KDM3B: variants seen among roughly 807,000 people sequenced by gnomAD.
KDM3B encodes the protein lysine demethylase 3B, also known as lysine-specific demethylase 3B.
Under a neutral mutation model 170.0 loss-of-function variants are expected in KDM3B, and 10 were observed. The ratio of observed to expected loss-of-function variants is 0.06; its 90% CI spans 0.04 to 0.10. The LOEUF (loss-of-function observed/expected upper bound fraction) is 0.10, where lower values mean the gene tolerates loss of function less well. KDM3B is among the 10% of genes least tolerant of loss of function. The pLI is 1.00. For synonymous variants in KDM3B, 831 were observed against 834.8 expected, an observed-to-expected ratio of 1.00 and a Z score of 0.08; for missense variants, 1,394 against 2,195.2, an observed-to-expected ratio of 0.64 and a Z score of 7.29.
intron 14 of KDM3B, among the ~76,000 whole-genome samples, chr5:138,419,767 A>ACAC (rs1491210602): frequency 1.3e-4 from 19 of 141,428 alleles, no homozygotes; most frequent in African/African-American, 4.9e-4. Flanking sequence ...ACACACACAC[A>ACAC]TATATATGAG....
intron 11 of KDM3B, among the ~76,000 whole-genome samples, chr5:138,411,131 T>G (rs1312407370): frequency 2.0e-5 from 3 of 152,212 alleles, no homozygotes; most frequent in Non-Finnish European, 4.4e-5. Flanking sequence ...TTGACACTTT[T>G]CGCTACTGCT....
At position 138,420,775 on chromosome 5, in the gene KDM3B, C is replaced by G. The variant is rs1319639653; in HGVS notation, c.3785C>G (p.Ser1262Cys). 8.7e-6 allele frequency: 14 copies of G among 1,614,132 alleles called. No homozygotes were observed. Among genetic ancestry groups the G allele is most frequent in the Non-Finnish European group, 1.2e-5 (14 of 1,180,026 alleles). ...CCCTTTGGGCTGGACTCGTTCAACTCCACTGCAAAGGTCTCTCCGCTGACT... is the reference window on the plus strand; with the variant it reads ...CCCTTTGGGCTGGACTCGTTCAACTGCACTGCAAAGGTCTCTCCGCTGACT... ...HSPFGLDSFN[S>C]TAKVSPLTPK... is the part of the protein sequence containing the mutation. Residue 1262 changes from serine (S) to cysteine (C), a missense_variant, in exon 15 of 24, where the codon TCC (serine) becomes TGC (cysteine). Ser to Cys is a moderately radical substitution (Grantham distance 112, BLOSUM62 -1). Coordinates refer to ENST00000314358, the MANE Select transcript of KDM3B (RefSeq NM_016604.4).
Position 138,381,604 on chromosome 5 carries a change from C to G in KDM3B, c.780+14C>G. The G allele has an allele frequency of 6.7e-7, 1 of 1,502,160 alleles. No individual in the cohort carries two copies. Among genetic ancestry groups the G allele is most frequent in the Non-Finnish European group, 9.3e-7 (1 of 1,077,548 alleles). 93.1% of individuals were successfully genotyped at this position (1,502,160 alleles called of 1,614,324 possible). A position where few individuals can be genotyped will look rare whatever the true frequency, so the allele number is the denominator to read the frequency against. The stretch of plus-strand genomic sequence containing the variant: ...CCTCAAAGCGAGGTACAGTAATGGA[C>G]TGCATTCCTGAGCAGACTCATGAGC... On this transcript the variant is annotated intron_variant, in intron 6 of 23. Transcript: ENST00000314358.
At chr5:138,426,733 A>G in intron 17 of KDM3B, 1 of 412,942 alleles carries the variant, frequency 2.4e-6, no homozygotes, top group South Asian at 2.5e-5. Flanking sequence ...TCTACTAAAA[A>G]TACAAAAATT....
chr5:138,385,379 T>C (rs1288666907), intron 6 of KDM3B, among the ~76,000 whole-genome samples: 2 of 152,182 alleles, frequency 1.3e-5, no homozygotes. Flanking sequence ...ACTACAGGCA[T>C]ACGCCACCAC....
At chr5:138,412,070 T>A (rs1028847962) in intron 11 of KDM3B, among the ~76,000 whole-genome samples, 19 of 149,562 alleles carry the variant, frequency 1.3e-4, no homozygotes, top group African/African-American at 4.7e-4. Flanking sequence ...GCACGGTGGC[T>A]CATGCCTGTA....
At chr5:138,435,570 A>G in intron 23 of KDM3B, 50 bp from the exon 24 acceptor site, 1 of 1,442,792 alleles carries the variant, frequency 6.9e-7, no homozygotes, top group South Asian at 1.2e-5. Flanking sequence ...GGTAGAACGT[A>G]CATTTGCATG....
At chr5:138,370,926 A>G (rs922417994) in intron 1 of KDM3B, among the ~76,000 whole-genome samples, 2 of 151,942 alleles carry the variant, frequency 1.3e-5, no homozygotes, top group African/African-American at 2.4e-5. Flanking sequence ...CATCTGCCTC[A>G]GCCTCCTGAG....
In KDM3B at chr5:138,420,773, C is replaced by T; in HGVS notation, c.3783C>T (p.Asn1261=). The change falls in exon 15 of 24, where the codon AAC becomes AAT. Residue 1261 remains asparagine (N), a synonymous_variant. Transcript: ENST00000314358. The stretch of plus-strand genomic sequence containing the variant: ...CACCCTTTGGGCTGGACTCGTTCAA[C>T]TCCACTGCAAAGGTCTCTCCGCTGA... ...SHSPFGLDSF[N]STAKVSPLTP... 1 of 1,614,144 alleles carries T rather than the reference C, an allele frequency of 6.2e-7. No individual in the cohort carries two copies. The highest frequency in any genetic ancestry group is 8.5e-7 in the Non-Finnish European group (1 of 1,180,014).
intron 1 of KDM3B, among the ~76,000 whole-genome samples, chr5:138,360,922 C>A (rs1382858722): frequency 6.6e-6 from 1 of 152,128 alleles, no homozygotes; most frequent in Non-Finnish European, 1.5e-5. Context: ...AAGGGACTTG[C>A]TTCACTAACT....
intron 6 of KDM3B, among the ~76,000 whole-genome samples, chr5:138,385,598 G>A (rs1298750952): frequency 6.6e-6 from 1 of 152,222 alleles, no homozygotes; most frequent in Non-Finnish European, 1.5e-5. Context: ...TAGAGAAGAT[G>A]TCCTATTTCA....
chr5:138,432,065 A>G (rs1412565743), intron 23 of KDM3B, among the ~76,000 whole-genome samples: 1 of 152,178 alleles, frequency 6.6e-6, no homozygotes, highest in Non-Finnish European at 1.5e-5. Flanking sequence ...GCTTAACCTA[A>G]TCATTTCTGT....
At chr5:138,384,201 G>T (rs1261806094) in intron 6 of KDM3B, among the ~76,000 whole-genome samples, 1 of 150,826 alleles carries the variant, frequency 6.6e-6, no homozygotes, top group South Asian at 2.1e-4. Context: ...AGCCGAGATC[G>T]TGCCACTGCA....
In KDM3B at chr5:138,352,688, C is replaced by G. The variant is rs1761355980; in HGVS notation, c.-108C>G. On this transcript the variant is annotated 5_prime_UTR_variant, in exon 1 of 24. Transcript: ENST00000314358. Reference sequence around the variant, plus strand: ...GGCTGTTGGGGGGGGTGGGGGGGAACGGCGGCCGCGGGTGGTGCGGAGGGA... The same window carrying G: ...GGCTGTTGGGGGGGGTGGGGGGGAAGGGCGGCCGCGGGTGGTGCGGAGGGA... 1 of 876,104 alleles carries G rather than the reference C, an allele frequency of 1.1e-6. No homozygotes were observed. Among genetic ancestry groups the G allele is most frequent in the Non-Finnish European group, 1.4e-6 (1 of 695,390 alleles). The allele number at this position is 876,104 out of a possible 1,614,324, so 54.3% of individuals were successfully genotyped here.
At chr5:138,396,674 TGTG>T (rs1259785991) in intron 9 of KDM3B, among the ~76,000 whole-genome samples, 1 of 151,770 alleles carries the variant, frequency 6.6e-6, no homozygotes, top group Non-Finnish European at 1.5e-5. Context: ...TGCAGGGAAG[TGTG>T]GTAGTGTCGT....
intron 6 of KDM3B, 71 bp downstream of exon 6, chr5:138,381,661 T>C (rs1049938330): frequency 2.2e-6 from 2 of 909,658 alleles, no homozygotes; most frequent in Admixed American, 2.1e-5. Context: ...AGATCCCTTA[T>C]ATATGTGTTT....
At chr5:138,394,413 A>G (rs1364734725) in intron 9 of KDM3B, among the ~76,000 whole-genome samples, 1 of 152,196 alleles carries the variant, frequency 6.6e-6, no homozygotes, top group Non-Finnish European at 1.5e-5. Context: ...GTCAGCTGAT[A>G]ATAACTATGA....
intron 1 of KDM3B, among the ~76,000 whole-genome samples, chr5:138,359,972 A>T (rs1306504348): frequency 6.6e-6 from 1 of 152,156 alleles, no homozygotes; most frequent in Non-Finnish European, 1.5e-5. Flanking sequence ...GTCTTCCAGG[A>T]GGAGTGAAAG....
intron 15 of KDM3B, among the ~76,000 whole-genome samples, chr5:138,423,207 A>G (rs1326122615): frequency 6.6e-6 from 1 of 152,182 alleles, no homozygotes; most frequent in Non-Finnish European, 1.5e-5. Flanking sequence ...TGGCCTCCCA[A>G]AGTGCTGGGA....
Sources: allele counts gnomAD v4.1 joint callset (sites outside exome capture counted in the v4.1 genomes callset), GRCh38; gene constraint gnomAD v4.1.1; transcripts MANE v1.5; gene names NCBI Gene and HGNC (gene_info 2026-07-23, HGNC 2026-07-21).